The following UNC5C variants were observed in gnomAD, a reference collection of about 807,000 sequenced individuals.
UNC5C encodes the protein unc-5 netrin receptor C, also known as netrin receptor UNC5C.
In UNC5C, 47 loss-of-function variants were observed where a neutral mutation model predicts 99.8. That is an observed-to-expected ratio of 0.47 (90% CI 0.37 to 0.60). The LOEUF (loss-of-function observed/expected upper bound fraction) is 0.60, where lower values mean the gene tolerates loss of function less well. Among genes scored for constraint, UNC5C ranks in the 20% least tolerant of loss-of-function variants. The pLI, the probability that UNC5C is intolerant of heterozygous loss-of-function variation, is 0.00. For missense variants in UNC5C, 1,062 were observed against 1,165.9 expected (o/e 0.91, Z 1.30); for synonymous variants, 487 against 452.2 (o/e 1.08, Z -0.98).
chr4:95,304,155 G>T (rs1164822719), intron 2 of UNC5C, among the ~76,000 whole-genome samples: 4 of 152,182 alleles, frequency 2.6e-5, no homozygotes, highest in African/African-American at 9.7e-5. Context: ...GCCCAAGACG[G>T]TGGGTTTTAT....
chr4:95,518,065 C>G (rs1722260054), intron 1 of UNC5C, among the ~76,000 whole-genome samples: 1 of 152,114 alleles, frequency 6.6e-6, no homozygotes, highest in Admixed American at 6.6e-5. Context: ...GGAGAAAAGA[C>G]TGAGATAGTG....
chr4:95,502,436 T>G (rs1394970346), intron 1 of UNC5C, among the ~76,000 whole-genome samples: 1 of 152,056 alleles, frequency 6.6e-6, no homozygotes, highest in Non-Finnish European at 1.5e-5. Flanking sequence ...GCCCAGCTTA[T>G]TTTTAAAATT....
In UNC5C at chr4:95,169,280, C is replaced by G. The variant is rs1275713270; in HGVS notation, c.2750G>C (p.Gly917Ala). The G allele has an allele frequency of 6.2e-7, 1 of 1,614,070 alleles. No individual in the cohort carries two copies. The highest frequency in any genetic ancestry group is 8.5e-7 in the Non-Finnish European group (1 of 1,180,054). Residue 917 changes from glycine (G) to alanine (A), a missense_variant, in exon 16 of 16, where the codon GGA (glycine) becomes GCA (alanine). Gly to Ala is a moderately conservative substitution (Grantham distance 60). Transcript: ENST00000453304. ...TAAGGACACCACCGTTTCATGTCTT[C>G]CCATTTCTTCCAAGACAGCTGCCAG... The part of the protein sequence containing the change: ...SMLAAVLEEM[G>A]RHETVVSLAA...
At chr4:95,285,231 A>G (rs1299433103) in intron 3 of UNC5C, among the ~76,000 whole-genome samples, 2 of 152,190 alleles carry the variant, frequency 1.3e-5, no homozygotes, top group Non-Finnish European at 1.5e-5. Flanking sequence ...TTTTTTTAAG[A>G]AAACAAAATA....
chr4:95,408,815 A>G (rs1745897779), intron 1 of UNC5C, among the ~76,000 whole-genome samples: 1 of 152,228 alleles, frequency 6.6e-6, no homozygotes, highest in Non-Finnish European at 1.5e-5. Context: ...GATAAGGGTG[A>G]TCTACAGCAT....
chr4:95,206,898 A>AATT, intron 10 of UNC5C, 102 bp from the exon 11 acceptor site: 44 of 863,142 alleles, frequency 5.1e-5, no homozygotes, highest in Non-Finnish European at 6.5e-5. Context: ...TTTCTCCTGG[A>AATT]ATTCTTTTTT....
At chr4:95,176,200 A>C (rs1280098599) in intron 14 of UNC5C, among the ~76,000 whole-genome samples, 2 of 152,130 alleles carry the variant, frequency 1.3e-5, no homozygotes, top group Non-Finnish European at 2.9e-5. Flanking sequence ...TTCCTCCCAT[A>C]GCTCGGAGTA....
At chr4:95,315,265 G>A (rs1285075113) in intron 2 of UNC5C, among the ~76,000 whole-genome samples, 1 of 152,066 alleles carries the variant, frequency 6.6e-6, no homozygotes, top group Non-Finnish European at 1.5e-5. Context: ...TCCCAAGATG[G>A]AATGGCTGAA....
At chr4:95,278,207 G>C in intron 4 of UNC5C, 52 bp downstream of exon 4, 5 of 1,452,170 alleles carry the variant, frequency 3.4e-6, no homozygotes, top group Non-Finnish European at 4.8e-6. Context: ...TTAGGCCTCT[G>C]TTAGAATAAC....
intron 1 of UNC5C, among the ~76,000 whole-genome samples, chr4:95,484,400 C>T (rs542674076): frequency 7.9e-5 from 12 of 151,778 alleles, no homozygotes; most frequent in Admixed American, 6.6e-4. Flanking sequence ...CAGTAGTATC[C>T]TGTTCCCATT....
intron 1 of UNC5C, among the ~76,000 whole-genome samples, chr4:95,358,101 A>C (rs1744272362): frequency 6.6e-6 from 1 of 152,196 alleles, no homozygotes; most frequent in Non-Finnish European, 1.5e-5. Context: ...AAAACAAGCA[A>C]CAAAAAAAAC....
intron 1 of UNC5C, among the ~76,000 whole-genome samples, chr4:95,433,733 C>A (rs776443448): frequency 2.0e-4 from 31 of 152,102 alleles, no homozygotes; most frequent in Non-Finnish European, 3.2e-4. Context: ...AGTTTACATT[C>A]ACTGAGTTTT....
At chr4:95,409,059 A>G (rs1745905363) in intron 1 of UNC5C, among the ~76,000 whole-genome samples, 1 of 152,192 alleles carries the variant, frequency 6.6e-6, no homozygotes, top group African/African-American at 2.4e-5. Flanking sequence ...ATTGACTTAT[A>G]TTCTAGATTA....
intron 12 of UNC5C, among the ~76,000 whole-genome samples, chr4:95,191,768 G>T (rs1490989387): frequency 4.6e-5 from 6 of 129,722 alleles, no homozygotes; most frequent in Non-Finnish European, 9.7e-5. Context: ...CTCCTCCCCT[G>T]CTCACCTCTT....
At chr4:95,334,867 AC>A (rs1244472575) in intron 2 of UNC5C, among the ~76,000 whole-genome samples, 4 of 151,870 alleles carry the variant, frequency 2.6e-5, no homozygotes, top group Non-Finnish European at 4.4e-5. Context: ...GTTCTGAATC[AC>A]CCTCAATTTA....
At chr4:95,356,424 G>A (rs1412455646) in intron 1 of UNC5C, among the ~76,000 whole-genome samples, 1 of 152,062 alleles carries the variant, frequency 6.6e-6, no homozygotes, top group Non-Finnish European at 1.5e-5. Context: ...AGTACTGCTT[G>A]GGAGGCATCA....
At chr4:95,405,031 T>G (rs1745797654) in intron 1 of UNC5C, among the ~76,000 whole-genome samples, 1 of 152,212 alleles carries the variant, frequency 6.6e-6, no homozygotes, top group South Asian at 2.1e-4. Flanking sequence ...CTACCTCCAC[T>G]GCTCAATAAA....
At chr4:95,541,847 G>T (rs2149496375) in intron 1 of UNC5C, among the ~76,000 whole-genome samples, 1 of 152,202 alleles carries the variant, frequency 6.6e-6, no homozygotes, top group Non-Finnish European at 1.5e-5. Flanking sequence ...CAATAAATAA[G>T]AATAGAGTTC....
intron 1 of UNC5C, among the ~76,000 whole-genome samples, chr4:95,473,105 A>T (rs1578182444): frequency 6.6e-6 from 1 of 151,990 alleles, no homozygotes; most frequent in African/African-American, 2.4e-5. Flanking sequence ...TCAAAATCTA[A>T]CCTCATGATA....
Sources: allele counts gnomAD v4.1 joint callset (sites outside exome capture counted in the v4.1 genomes callset), GRCh38; gene constraint gnomAD v4.1.1; transcripts MANE v1.5; gene names NCBI Gene and HGNC (gene_info 2026-07-23, HGNC 2026-07-21).